Variants in MOB3B observed in about 807,000 individuals in gnomAD.
MOB3B encodes MOB kinase activator 3B, also known as MOB kinase activator-like 2B.
MOB3B carries 7 observed loss-of-function variants against 18.7 expected under a neutral mutation model. The observed-to-expected ratio is 0.37, with a 90% CI of 0.21 to 0.70. The LOEUF (loss-of-function observed/expected upper bound fraction) is 0.70. MOB3B is among the 30% of genes least tolerant of loss of function. MOB3B has a pLI of 0.52. For missense variants in MOB3B, 253 were observed against 281.3 expected (o/e 0.90, Z 0.72); for synonymous variants, 111 against 99.9 (o/e 1.11, Z -0.66).
At chr9:27,357,799 C>T (rs984266717) in intron 3 of MOB3B, among the ~76,000 whole-genome samples, 1 of 148,878 alleles carries the variant, frequency 6.7e-6, no homozygotes, top group Non-Finnish European at 1.5e-5. Flanking sequence ...CACCTGTAAT[C>T]CCAGCACTTT....
At chr9:27,399,499 G>A (rs1821845605) in intron 2 of MOB3B, among the ~76,000 whole-genome samples, 2 of 152,188 alleles carry the variant, frequency 1.3e-5, no homozygotes, top group Non-Finnish European at 2.9e-5. Flanking sequence ...GCACTGGGGA[G>A]AAGGTTAGAG....
intron 1 of MOB3B, among the ~76,000 whole-genome samples, chr9:27,515,173 C>T (rs974640481): frequency 3.9e-5 from 6 of 152,182 alleles, no homozygotes; most frequent in Non-Finnish European, 7.3e-5. Flanking sequence ...AACTGTGCCC[C>T]GACTTCATCT....
At chr9:27,379,973 C>T (rs2131373494) in intron 2 of MOB3B, among the ~76,000 whole-genome samples, 1 of 152,218 alleles carries the variant, frequency 6.6e-6, no homozygotes, top group African/African-American at 2.4e-5. Context: ...ATAGAATATT[C>T]AAACAAAGTG....
At chr9:27,415,472 A>G (rs1003588308) in intron 2 of MOB3B, among the ~76,000 whole-genome samples, 6 of 152,102 alleles carry the variant, frequency 3.9e-5, no homozygotes, top group South Asian at 2.1e-4. Context: ...ATTATAAAAC[A>G]TAAGAAAAAA....
At chr9:27,390,626 C>A (rs901314682) in intron 2 of MOB3B, among the ~76,000 whole-genome samples, 1 of 152,102 alleles carries the variant, frequency 6.6e-6, no homozygotes, top group Non-Finnish European at 1.5e-5. Flanking sequence ...GCAATCAGGG[C>A]GAAATCCTTT....
At chr9:27,376,380 T>C (rs1821489952) in intron 2 of MOB3B, among the ~76,000 whole-genome samples, 2 of 152,236 alleles carry the variant, frequency 1.3e-5, no homozygotes, top group Non-Finnish European at 2.9e-5. Context: ...GTTTGTTTCA[T>C]AGAAAATATT....
intron 3 of MOB3B, among the ~76,000 whole-genome samples, chr9:27,345,102 C>T (rs551975000): frequency 6.6e-6 from 1 of 152,318 alleles, no homozygotes; most frequent in East Asian, 1.9e-4. Context: ...CTGACATCAA[C>T]CCAATAAATG....
chr9:27,500,847 C>T (rs1286682219), intron 1 of MOB3B, among the ~76,000 whole-genome samples: 1 of 152,204 alleles, frequency 6.6e-6, no homozygotes, highest in East Asian at 1.9e-4. Flanking sequence ...GCAATCTACC[C>T]ATCTGACAAA....
At chr9:27,428,677 T>C (rs764952746) in intron 2 of MOB3B, among the ~76,000 whole-genome samples, 17 of 152,362 alleles carry the variant, frequency 1.1e-4, no homozygotes, top group Non-Finnish European at 1.8e-4. Flanking sequence ...ACAAAGGTGA[T>C]AGCTGCAGGG....
chr9:27,487,852 C>T (rs1298319829), intron 1 of MOB3B, among the ~76,000 whole-genome samples: 3 of 152,172 alleles, frequency 2.0e-5, no homozygotes, highest in Non-Finnish European at 2.9e-5. Context: ...TGGCTTCTGC[C>T]TTCTCTTAAC....
chr9:27,525,023 AAC>A lies in MOB3B; in HGVS notation c.-199+4530_-199+4531del. 2.9e-6 allele frequency: 4 copies of A among 1,377,492 alleles called. No homozygotes were observed. In the South Asian group the frequency reaches 5.8e-5, roughly 20 times the overall value. 85.3% of individuals were successfully genotyped at this position (1,377,492 alleles called of 1,614,324 possible). A position where few individuals can be genotyped will look rare whatever the true frequency, so the allele number is the denominator to read the frequency against. On this transcript the variant is annotated intron_variant, in intron 1 of 3. Coordinates refer to ENST00000262244, the MANE Select transcript of MOB3B (RefSeq NM_024761.5). ...AATCTCTTTCTCCTTCTCCTCCTCC[AAC>A]TTCTTTTTAAGGATTGTTGTGCTGT...
chr9:27,481,438 A>T (rs1173778890), intron 1 of MOB3B, among the ~76,000 whole-genome samples: 4 of 151,984 alleles, frequency 2.6e-5, no homozygotes, highest in African/African-American at 9.7e-5. Flanking sequence ...TCAGGGAGAC[A>T]ATAGAGTGTG....
Position 27,328,222 on chromosome 9 carries a change from G to C in MOB3B, c.*2365C>G, listed in dbSNP as rs571854537. On this transcript the variant is annotated 3_prime_UTR_variant, in exon 4 of 4. Transcript: ENST00000262244. Reference sequence around the variant, plus strand: ...CAGAAAAAGAAGGAGAGTAGGACAGGTTAGGAAGAAGAAGGAGGGTTGTCA... The same window carrying C: ...CAGAAAAAGAAGGAGAGTAGGACAGCTTAGGAAGAAGAAGGAGGGTTGTCA... 4.6e-5 allele frequency: 7 copies of C among 152,256 alleles called. No homozygotes were observed. Among genetic ancestry groups the C allele is most frequent in the African/African-American group, 1.7e-4 (7 of 41,538 alleles). The allele number at this position is 152,256 out of a possible 1,614,324, so 9.4% of individuals were successfully genotyped here.
At chr9:27,445,496 G>T (rs888580556) in intron 2 of MOB3B, among the ~76,000 whole-genome samples, 30 of 152,162 alleles carry the variant, frequency 2.0e-4, no homozygotes, top group African/African-American at 7.2e-4. Flanking sequence ...AGTTTCTAGC[G>T]ACTCTGGTAC....
chr9:27,488,949 T>A (rs140221260), intron 1 of MOB3B, among the ~76,000 whole-genome samples: 13 of 152,248 alleles, frequency 8.5e-5, no homozygotes, highest in African/African-American at 2.9e-4. Flanking sequence ...TTGTTCCTAC[T>A]TATTCTGGAA....
At chr9:27,454,964 T>C (rs1822848622) in intron 2 of MOB3B, among the ~76,000 whole-genome samples, 169 bp downstream of exon 2, 1 of 152,148 alleles carries the variant, frequency 6.6e-6, no homozygotes, top group Non-Finnish European at 1.5e-5. Context: ...AAGTGGTCCA[T>C]AAAGTTTTTT....
At chr9:27,508,084 C>G (rs1820086443) in intron 1 of MOB3B, among the ~76,000 whole-genome samples, 1 of 152,162 alleles carries the variant, frequency 6.6e-6, no homozygotes, top group Non-Finnish European at 1.5e-5. Context: ...AGTTCTGCAG[C>G]ATTCTGGGGG....
chr9:27,342,657 G>A (rs964522216), intron 3 of MOB3B, among the ~76,000 whole-genome samples: 46 of 152,174 alleles, frequency 3.0e-4, no homozygotes, highest in African/African-American at 9.7e-4. Context: ...TGGTGGAGAC[G>A]GGGTTTCGCC....
chr9:27,453,913 G>C (rs1470641990), intron 2 of MOB3B, among the ~76,000 whole-genome samples: 5 of 152,096 alleles, frequency 3.3e-5, no homozygotes, highest in Non-Finnish European at 4.4e-5. Context: ...ATGCCCAGGG[G>C]AGTTTTTGAA....
Sources: gnomAD v4.1 joint callset for allele counts (sites outside exome capture counted in the v4.1 genomes callset) on GRCh38, gnomAD v4.1.1 for gene constraint, MANE v1.5 for transcripts, NCBI Gene and HGNC (gene_info 2026-07-23, HGNC 2026-07-21) for gene names.